Variants in WWOX observed in about 807,000 individuals in gnomAD.
WWOX encodes WW domain containing oxidoreductase, also known as WW domain-containing oxidoreductase.
A neutral mutation model predicts 46.2 loss-of-function variants in WWOX; 69 were observed. The ratio of observed to expected loss-of-function variants is 1.49; its 90% CI spans 1.23 to 1.82. The LOEUF is 1.82. Among genes scored for constraint, WWOX ranks in the 40% most tolerant of loss-of-function variants. The pLI, the probability that WWOX is intolerant of heterozygous loss-of-function variation, is 0.00. For synonymous variants in WWOX, 359 were observed against 202.6 expected, an observed-to-expected ratio of 1.77 and a Z score of -6.56; for missense variants, 919 against 542.6, an observed-to-expected ratio of 1.69 and a Z score of -6.89.
intron 8 of WWOX, among the ~76,000 whole-genome samples, chr16:78,829,132 A>ATGGATG (rs762761908): frequency 1.3e-5 from 2 of 150,598 alleles, no homozygotes; most frequent in Non-Finnish European, 3.0e-5. Context: ...GGATGGATGG[A>ATGGATG]GAGAGAGAGA....
chr16:78,444,016 T>C (rs932157933), intron 8 of WWOX, among the ~76,000 whole-genome samples: 6 of 152,194 alleles, frequency 3.9e-5, no homozygotes, highest in African/African-American at 7.2e-5. Flanking sequence ...ACTGGACATG[T>C]TGATTTTTCC....
At chr16:79,012,304 C>G (rs150986692) in intron 8 of WWOX, among the ~76,000 whole-genome samples, 2 of 152,176 alleles carry the variant, frequency 1.3e-5, no homozygotes, top group South Asian at 2.1e-4. Context: ...GCAATCTCGA[C>G]TCACTGCAAC....
chr16:78,790,949 A>T (rs564350825), intron 8 of WWOX, among the ~76,000 whole-genome samples: 1 of 133,746 alleles, frequency 7.5e-6, no homozygotes, highest in African/African-American at 2.8e-5. Context: ...AGCCCAGGAG[A>T]TGGAGGTTGC....
chr16:79,159,338 C>A (rs192568290), intron 8 of WWOX, among the ~76,000 whole-genome samples: 2 of 152,240 alleles, frequency 1.3e-5, no homozygotes, highest in Admixed American at 6.5e-5. Context: ...ATTTATTAAT[C>A]ATTTAATTAG....
intron 8 of WWOX, among the ~76,000 whole-genome samples, chr16:78,908,867 A>G (rs1383546863): frequency 1.3e-5 from 2 of 152,200 alleles, no homozygotes; most frequent in East Asian, 1.9e-4. Flanking sequence ...GTTTTACCAT[A>G]GTGACATTAT....
At chr16:78,913,773 C>T (rs1214838014) in intron 8 of WWOX, among the ~76,000 whole-genome samples, 1 of 151,874 alleles carries the variant, frequency 6.6e-6, no homozygotes, top group Admixed American at 6.6e-5. Flanking sequence ...GCCATCCTCC[C>T]ACCGTAGCCT....
Position 79,031,356 on chromosome 16 carries a change from A to G in WWOX, c.1057-180252A>G, listed in dbSNP as rs528021277. Among the ~76,000 whole-genome samples the G allele has an allele frequency of 1.4e-3, 206 of 152,206 alleles. 1 individual carries two copies. The highest frequency in any genetic ancestry group is 4.6e-3 in the African/African-American group (189 of 41,530). ...TGGCACTGCAGTCCTGGGACAGTCT[A>G]CACAGCTCCTGCCTCCTTCTTTTCT... On this transcript the variant is annotated intron_variant, in intron 8 of 8. Coordinates refer to ENST00000566780, the MANE Select transcript of WWOX (RefSeq NM_016373.4).
intron 8 of WWOX, among the ~76,000 whole-genome samples, chr16:79,021,843 A>C (rs746434413): frequency 1.3e-5 from 2 of 152,186 alleles, no homozygotes; most frequent in South Asian, 4.1e-4. Flanking sequence ...TCAATCACAC[A>C]TACACACAAA....
At chr16:78,768,207 G>A (rs1248795509) in intron 8 of WWOX, among the ~76,000 whole-genome samples, 1 of 143,296 alleles carries the variant, frequency 7.0e-6, no homozygotes, top group Non-Finnish European at 1.5e-5. Flanking sequence ...GTATGATTCT[G>A]AAGCAACTAG....
At chr16:78,892,374 T>G (rs1169923756) in intron 8 of WWOX, 4 of 152,248 alleles carry the variant, frequency 2.6e-5, no homozygotes. Flanking sequence ...ACAGGATGGC[T>G]GATGAGATGC....
intron 8 of WWOX, among the ~76,000 whole-genome samples, chr16:78,834,079 A>C (rs2051907662): frequency 6.6e-6 from 1 of 152,196 alleles, no homozygotes; most frequent in Non-Finnish European, 1.5e-5. Flanking sequence ...CATGCATCCC[A>C]AGTCCAGCTG....
At chr16:78,489,661 A>G (rs553963074) in intron 8 of WWOX, among the ~76,000 whole-genome samples, 11 of 152,294 alleles carry the variant, frequency 7.2e-5, no homozygotes, top group Admixed American at 7.2e-4. Flanking sequence ...TCTCCAGGGT[A>G]AAAGAAGAGG....
At chr16:79,158,064 C>A (rs1376208704) in intron 8 of WWOX, among the ~76,000 whole-genome samples, 1 of 152,044 alleles carries the variant, frequency 6.6e-6, no homozygotes, top group Non-Finnish European at 1.5e-5. Context: ...AATTTATTGA[C>A]CCTGGGAGGG....
chr16:78,699,975 T>C (rs2048177901), intron 8 of WWOX, among the ~76,000 whole-genome samples: 1 of 152,052 alleles, frequency 6.6e-6, no homozygotes, highest in East Asian at 1.9e-4. Context: ...ACTCTTGGTC[T>C]TGGGGAGGGG....
intron 8 of WWOX, among the ~76,000 whole-genome samples, chr16:79,105,769 C>G (rs1034327897): frequency 1.3e-5 from 2 of 151,518 alleles, no homozygotes; most frequent in Non-Finnish European, 2.9e-5. Context: ...TGCCAGCAAT[C>G]CTCCCACCTC....
At chr16:78,707,475 C>G (rs1016133836) in intron 8 of WWOX, among the ~76,000 whole-genome samples, 3 of 152,202 alleles carry the variant, frequency 2.0e-5, no homozygotes, top group African/African-American at 7.2e-5. Flanking sequence ...GCTTCCTTCT[C>G]AGCTCATTCT....
chr16:79,078,699 A>T (rs1315620042), intron 8 of WWOX, among the ~76,000 whole-genome samples: 1 of 152,220 alleles, frequency 6.6e-6, no homozygotes, highest in East Asian at 1.9e-4. Flanking sequence ...CTTGATGGAT[A>T]AAGGGAGATT....
chr16:78,530,676 G>A (rs1306661379), intron 8 of WWOX, among the ~76,000 whole-genome samples: 1 of 152,150 alleles, frequency 6.6e-6, no homozygotes, highest in Non-Finnish European at 1.5e-5. Context: ...ACAGTTCCAG[G>A]CTTGAGGATG....
intron 5 of WWOX, among the ~76,000 whole-genome samples, chr16:78,246,547 C>G (rs935622031): frequency 4.6e-5 from 7 of 152,310 alleles, no homozygotes; most frequent in Non-Finnish European, 8.8e-5. Context: ...CCATCAATCA[C>G]TGCTGTTCAT....
Sources: allele counts gnomAD v4.1 joint callset (sites outside exome capture counted in the v4.1 genomes callset), GRCh38; gene constraint gnomAD v4.1.1; transcripts MANE v1.5; gene names NCBI Gene and HGNC (gene_info 2026-07-23, HGNC 2026-07-21).